Variants in VTI1B observed in about 807,000 individuals in gnomAD.
The protein encoded by VTI1B is vesicle transport through interaction with t-SNAREs 1B, also known as vesicle transport through interaction with t-SNAREs homolog 1B.
VTI1B carries 18 observed loss-of-function variants against 28.6 expected under a neutral mutation model. The ratio of observed to expected loss-of-function variants is 0.63; its 90% CI spans 0.43 to 0.93. The LOEUF (loss-of-function observed/expected upper bound fraction) is 0.93. Ranked by LOEUF, VTI1B falls within the 40% of genes least tolerant of loss-of-function variation. The pLI is 0.00. For synonymous variants in VTI1B, 100 were observed against 107.9 expected, an observed-to-expected ratio of 0.93 and a Z score of 0.46; for missense variants, 283 against 297.0, an observed-to-expected ratio of 0.95 and a Z score of 0.35.
chr14:67,651,378 T>C lies in VTI1B; in HGVS notation c.*7A>G. 2 of 1,613,550 alleles carry C rather than the reference T, an allele frequency of 1.2e-6. No individual in the cohort carries two copies. The highest frequency in any genetic ancestry group is 8.5e-7 in the Non-Finnish European group (1 of 1,179,628). Reference sequence around the variant, plus strand: ...GTTCTGGTCCACAAACCCTTCCCTATAGAAGTTCAATGGCTGCGAAAGAAT... The same window carrying C: ...GTTCTGGTCCACAAACCCTTCCCTACAGAAGTTCAATGGCTGCGAAAGAAT... On this transcript the variant is annotated 3_prime_UTR_variant, in exon 6 of 6. Coordinates refer to ENST00000554659, the MANE Select transcript of VTI1B (RefSeq NM_006370.3).
intron 4 of VTI1B, among the ~76,000 whole-genome samples, chr14:67,653,796 A>G (rs1594833918): frequency 1.3e-5 from 2 of 152,368 alleles, no homozygotes; most frequent in East Asian, 3.9e-4. Context: ...AAGTGTAGCC[A>G]GCAGACTGGC....
At chr14:67,666,773 G>T (rs2037406911) in intron 1 of VTI1B, among the ~76,000 whole-genome samples, 1 of 152,168 alleles carries the variant, frequency 6.6e-6, no homozygotes, top group Non-Finnish European at 1.5e-5. Context: ...CAAATGTATG[G>T]CAGCACTAGT....
At position 67,650,503 on chromosome 14, in the gene VTI1B, GT is replaced by G. The variant is rs1244927722; in HGVS notation, c.*881del. ...ATGGTTTATTTCATTATCTTAAAAG[GT>G]TTCTTTTAATCTACTATAGCACAAC... On this transcript the variant is annotated 3_prime_UTR_variant, in exon 6 of 6. Transcript: ENST00000554659. 1.7e-6 allele frequency: 1 copy of G among 578,084 alleles called. No homozygotes were observed. The highest frequency in any genetic ancestry group is 1.9e-5 in the African/African-American group (1 of 53,490). 35.8% of individuals were successfully genotyped at this position (578,084 alleles called of 1,614,324 possible).
rs181364322 is a variant in VTI1B at position 67,647,873 on chromosome 14, A to T, written c.*3512T>A. ...TGGTATGTAGGAAGTTAATATTGCC[A>T]ATCTCAGTAACTTCCAAGAATAGGA... On this transcript the variant is annotated 3_prime_UTR_variant, in exon 6 of 6. Transcript: ENST00000554659. The T allele has an allele frequency of 1.2e-5, 8 of 656,036 alleles. No homozygotes were observed. Among genetic ancestry groups the T allele is most frequent in the Admixed American group, 9.0e-5 (3 of 33,342 alleles). The allele number at this position is 656,036 out of a possible 1,614,324, so 40.6% of individuals were successfully genotyped here. A position where few individuals can be genotyped will look rare whatever the true frequency, so the allele number is the denominator to read the frequency against.
chr14:67,665,869 G>C (rs2037396102), intron 1 of VTI1B, among the ~76,000 whole-genome samples: 1 of 152,144 alleles, frequency 6.6e-6, no homozygotes, highest in Admixed American at 6.5e-5. Flanking sequence ...AAAAAAGGTA[G>C]AGGAAGGTTC....
chr14:67,654,929 C>T (rs192723229), intron 4 of VTI1B, among the ~76,000 whole-genome samples: 11 of 146,002 alleles, frequency 7.5e-5, no homozygotes, highest in East Asian at 6.2e-4. Flanking sequence ...CTCGGGAGGC[C>T]GAGGCAGGAG....
At chr14:67,651,528 T>C (rs1164577265) in intron 5 of VTI1B, 47 bp from the exon 6 acceptor site, 1 of 1,602,502 alleles carries the variant, frequency 6.2e-7, no homozygotes, top group Non-Finnish European at 8.5e-7. Context: ...TTGGATAACC[T>C]TCCTTCTAAA....
Position 67,674,395 on chromosome 14 carries a change from A to C in VTI1B, c.95T>G (p.Leu32Arg). The stretch of plus-strand genomic sequence containing the variant: ...CTCACCGGTCCCCGCCGTCCCCAGC[A>C]GCCGCTCGGGCACCCCTTGTAGGTC... ...HEDLQGVPERLLGTAGTEEKK... is the reference protein window; with the variant it reads ...HEDLQGVPERRLGTAGTEEKK... The change falls in exon 1 of 6, where the codon CTG becomes CGG. Residue 32 changes from leucine (L) to arginine (R), a missense_variant. Transcript: ENST00000554659. 1.2e-6 allele frequency: 2 copies of C among 1,602,544 alleles called. No homozygotes were observed. The highest frequency in any genetic ancestry group is 1.7e-6 in the Non-Finnish European group (2 of 1,175,890).
intron 1 of VTI1B, among the ~76,000 whole-genome samples, chr14:67,671,097 C>T (rs2140034722): frequency 6.6e-6 from 1 of 152,202 alleles, no homozygotes; most frequent in East Asian, 1.9e-4. Context: ...TCAATTTATT[C>T]AACAAACATT....
intron 3 of VTI1B, 112 bp from the exon 4 acceptor site, chr14:67,656,701 C>T (rs955313459): frequency 3.3e-5 from 41 of 1,225,470 alleles, no homozygotes; most frequent in Middle Eastern, 2.1e-4. Flanking sequence ...CAATAATTTT[C>T]ATTCCTTTTA....
intron 4 of VTI1B, among the ~76,000 whole-genome samples, chr14:67,654,326 AGAGATGAGGTCTCG>A (rs1357397695): frequency 4.7e-5 from 1 of 21,504 alleles, no homozygotes; most frequent in Non-Finnish European, 1.1e-4. Context: ...GTCTCGCTCT[AGAGATGAGGTCTCG>A]CTATGTTGCC....
intron 5 of VTI1B, among the ~76,000 whole-genome samples, chr14:67,652,980 C>A (rs994784777): frequency 6.6e-6 from 1 of 151,954 alleles, no homozygotes; most frequent in Admixed American, 6.6e-5. Flanking sequence ...TTAGTAGAGA[C>A]GGGTTTCACC....
At chr14:67,664,986 C>T (rs2037382698) in intron 1 of VTI1B, among the ~76,000 whole-genome samples, 1 of 152,190 alleles carries the variant, frequency 6.6e-6, no homozygotes, top group Non-Finnish European at 1.5e-5. Flanking sequence ...CATGCCTCAG[C>T]CTCCTGAGTG....
At chr14:67,669,948 A>G (rs1389289827) in intron 1 of VTI1B, among the ~76,000 whole-genome samples, 1 of 152,094 alleles carries the variant, frequency 6.6e-6, no homozygotes, top group Non-Finnish European at 1.5e-5. Flanking sequence ...ACAAAAAATT[A>G]GCCAGGCCTG....
At position 67,651,191 on chromosome 14, in the gene VTI1B, T is replaced by C; in HGVS notation, c.*194A>G. The C allele has an allele frequency of 2.7e-6, 3 of 1,113,844 alleles. No homozygotes were observed. Among genetic ancestry groups the C allele is most frequent in the Non-Finnish European group, 3.7e-6 (3 of 801,878 alleles). 69.0% of individuals were successfully genotyped at this position (1,113,844 alleles called of 1,614,324 possible). A position where few individuals can be genotyped will look rare whatever the true frequency, so the allele number is the denominator to read the frequency against. On this transcript the variant is annotated 3_prime_UTR_variant, in exon 6 of 6. Coordinates refer to ENST00000554659, the MANE Select transcript of VTI1B (RefSeq NM_006370.3). ...CAGCATTTATTACCTTGGTATATCA[T>C]ACTGGTCTTGTTGCTGTTGTTCCTT...
At chr14:67,659,237 T>C (rs1188766037) in intron 3 of VTI1B, among the ~76,000 whole-genome samples, 3 of 152,192 alleles carry the variant, frequency 2.0e-5, no homozygotes, top group Admixed American at 6.5e-5. Context: ...GGCTACTGTA[T>C]CTCAGTTGCT....
rs763998038 is a variant in VTI1B at position 67,659,897 on chromosome 14, C to T, written c.200G>A (p.Arg67His). 109 of 1,613,720 alleles carry T rather than the reference C, an allele frequency of 6.8e-5. 1 individual carries two copies. The South Asian group carries it at 1.1e-3, about 16-fold the overall frequency. The change falls in exon 3 of 6, where the codon CGT (arginine) becomes CAT (histidine). Residue 67 changes from arginine to histidine, a missense_variant. Transcript: ENST00000554659. ...GTTTCGGAAAGACAGGGGTGCATAA[C>T]GTAGCTCCTCCTCCATCTCTGCCAG... ...ETLAEMEEEL[R>H]YAPLSFRNPM... is the part of the protein sequence containing the mutation.
At chr14:67,655,028 CAA>C (rs34482334) in intron 4 of VTI1B, among the ~76,000 whole-genome samples, 8 of 43,500 alleles carry the variant, frequency 1.8e-4, no homozygotes, top group Admixed American at 3.4e-4. Flanking sequence ...GACTCCATCT[CAA>C]AAAAAAAAAA....
At chr14:67,654,788 G>C (rs774401135) in intron 4 of VTI1B, among the ~76,000 whole-genome samples, 47 of 152,012 alleles carry the variant, frequency 3.1e-4, no homozygotes, top group African/African-American at 1.0e-3. Context: ...CTAGCACTTT[G>C]GGAGGCTGAG....
Sources: gnomAD v4.1 joint callset for allele counts (sites outside exome capture counted in the v4.1 genomes callset) on GRCh38, gnomAD v4.1.1 for gene constraint, MANE v1.5 for transcripts, NCBI Gene and HGNC (gene_info 2026-07-23, HGNC 2026-07-21) for gene names.